Variants in FAM13A observed in about 807,000 individuals in gnomAD.
FAM13A encodes the protein protein FAM13A.
In FAM13A, 76 loss-of-function variants were observed where a neutral mutation model predicts 129.6. The observed-to-expected ratio is 0.59, with a 90% CI of 0.49 to 0.71. The LOEUF (loss-of-function observed/expected upper bound fraction) is 0.71, where lower values mean the gene tolerates loss of function less well. Ranked by LOEUF, FAM13A falls within the 30% of genes least tolerant of loss-of-function variation. The pLI, the probability that FAM13A is intolerant of heterozygous loss-of-function variation, is 0.00. For synonymous variants in FAM13A, 443 were observed against 449.9 expected, an observed-to-expected ratio of 0.98 and a Z score of 0.20; for missense variants, 1,108 against 1,249.3, an observed-to-expected ratio of 0.89 and a Z score of 1.70.
chr4:88,968,779 A>T (rs1394515563), intron 4 of FAM13A, among the ~76,000 whole-genome samples: 3 of 151,934 alleles, frequency 2.0e-5, no homozygotes, highest in Admixed American at 6.6e-5. Context: ...CATTGCCTGA[A>T]TTTTTTTTAA....
chr4:88,781,266 G>A lies in FAM13A; in HGVS notation c.1357C>T (p.His453Tyr). The A allele has an allele frequency of 6.2e-7, 1 of 1,612,540 alleles. No individual in the cohort carries two copies. Among genetic ancestry groups the A allele is most frequent in the South Asian group, 1.1e-5 (1 of 90,892 alleles). The change falls in exon 11 of 24, where the codon CAC becomes TAC. Residue 453 changes from histidine (H) to tyrosine (Y), a missense_variant. Coordinates refer to ENST00000264344, the MANE Select transcript of FAM13A (RefSeq NM_014883.4). The stretch of plus-strand genomic sequence containing the variant: ...CCAGCACAACCAAAAGTATTTTTGT[G>A]TACCTTTTCGACTTCCTGAGTATTC... ...ILNTQEVEKV[H>Y]KNTFGCAGER... is the part of the protein sequence containing the mutation.
chr4:88,972,628 A>G (rs947471891), intron 4 of FAM13A, among the ~76,000 whole-genome samples: 2 of 148,396 alleles, frequency 1.3e-5, no homozygotes, highest in African/African-American at 5.0e-5. Context: ...TGGGGGGGAG[A>G]ACAGAGTCTC....
At chr4:88,830,881 CAAAACATTCCCCAAAAAGATTA>C (rs1325107830) in intron 7 of FAM13A, among the ~76,000 whole-genome samples, 1 of 152,026 alleles carries the variant, frequency 6.6e-6, no homozygotes, top group East Asian at 1.9e-4. Flanking sequence ...AAATAAGATT[CAAAACATTCCCCAAAAAGATTA>C]AGTACTGATT....
At chr4:88,913,997 C>T (rs559770923) in intron 5 of FAM13A, among the ~76,000 whole-genome samples, 15 of 143,514 alleles carry the variant, frequency 1.0e-4, no homozygotes, top group Admixed American at 5.7e-4. Flanking sequence ...GGTGAGACTC[C>T]GTCTCAAAAA....
rs1356672417 is a variant in FAM13A, at chr4:89,047,078, G to A, written c.27+9860C>T. Among the ~76,000 whole-genome samples, 4 of 152,098 alleles carry A rather than the reference G, an allele frequency of 2.6e-5. No homozygotes were observed. In the South Asian group the frequency reaches 8.3e-4, roughly 32 times the overall value. ...TCTCCAACCAGGCTCCGAACACAGG[G>A]GAAGGGCAAGTAACAGTGAGCAGGA... On this transcript the variant is annotated intron_variant, in intron 1 of 23. Coordinates refer to ENST00000264344, the MANE Select transcript of FAM13A (RefSeq NM_014883.4).
chr4:88,877,634 CTT>C, intron 6 of FAM13A, among the ~76,000 whole-genome samples: 1 of 152,284 alleles, frequency 6.6e-6, no homozygotes, highest in Non-Finnish European at 1.5e-5. Context: ...CAGGTTGGCT[CTT>C]TGTTTCTTTC....
chr4:88,943,122 T>C (rs569923819), intron 4 of FAM13A, among the ~76,000 whole-genome samples: 4 of 152,340 alleles, frequency 2.6e-5, no homozygotes, highest in Non-Finnish European at 5.9e-5. Context: ...GAATGACTAT[T>C]ATTCACAGTG....
At chr4:88,753,584 A>C (rs1743067204) in intron 14 of FAM13A, 1 of 661,724 alleles carries the variant, frequency 1.5e-6, no homozygotes, top group African/African-American at 2.0e-5. Context: ...AACGGAAGTG[A>C]AAGGTTTCTC....
intron 7 of FAM13A, among the ~76,000 whole-genome samples, chr4:88,850,292 T>G (rs1737339438): frequency 6.6e-6 from 1 of 151,924 alleles, no homozygotes; most frequent in Non-Finnish European, 1.5e-5. Context: ...TGGTGGCTCA[T>G]GCCTGTAATC....
intron 17 of FAM13A, among the ~76,000 whole-genome samples, chr4:88,748,561 C>T (rs564517839): frequency 5.2e-4 from 79 of 152,278 alleles, no homozygotes; most frequent in African/African-American, 1.7e-3. Flanking sequence ...ATGACTGTGT[C>T]TCTGAAAAGA....
At chr4:89,007,337 G>A (rs1343938977) in intron 3 of FAM13A, among the ~76,000 whole-genome samples, 1 of 152,154 alleles carries the variant, frequency 6.6e-6, no homozygotes, top group African/African-American at 2.4e-5. Flanking sequence ...GGAGAAGCCA[G>A]TTACCATGTT....
intron 13 of FAM13A, 103 bp from the exon 14 acceptor site, chr4:88,759,004 C>T: frequency 8.4e-7 from 1 of 1,193,160 alleles, no homozygotes; most frequent in East Asian, 2.4e-5. Flanking sequence ...CAAGTCACAG[C>T]TGCTAATGCA....
chr4:88,924,125 T>C (rs1170222873), intron 5 of FAM13A, among the ~76,000 whole-genome samples: 3 of 152,216 alleles, frequency 2.0e-5, no homozygotes, highest in Non-Finnish European at 4.4e-5. Context: ...ATGGCCATAC[T>C]GCCCAAGGTA....
chr4:88,795,875 T>A (rs974331774), intron 8 of FAM13A, among the ~76,000 whole-genome samples: 7 of 151,782 alleles, frequency 4.6e-5, no homozygotes, highest in East Asian at 1.9e-4. Flanking sequence ...TCTAATCTTT[T>A]AAAAAATTAT....
At chr4:88,845,900 T>C (rs372598768) in intron 7 of FAM13A, among the ~76,000 whole-genome samples, 4 of 152,234 alleles carry the variant, frequency 2.6e-5, no homozygotes, top group East Asian at 1.9e-4. Flanking sequence ...GATTTATTTT[T>C]AATATACATT....
intron 7 of FAM13A, among the ~76,000 whole-genome samples, chr4:88,819,611 T>G (rs2149821818): frequency 6.6e-6 from 1 of 152,254 alleles, no homozygotes; most frequent in South Asian, 2.1e-4. Flanking sequence ...ACAAAACAGA[T>G]TATCTCATTA....
intron 4 of FAM13A, among the ~76,000 whole-genome samples, chr4:88,967,637 G>T (rs2148937831): frequency 6.6e-6 from 1 of 152,336 alleles, no homozygotes; most frequent in Non-Finnish European, 1.5e-5. Flanking sequence ...AAATGAGAGA[G>T]AATTCCATGT....
intron 10 of FAM13A, among the ~76,000 whole-genome samples, chr4:88,782,615 CAA>C (rs1455626459): frequency 6.6e-6 from 1 of 152,092 alleles, no homozygotes; most frequent in Non-Finnish European, 1.5e-5. Flanking sequence ...ATAATATTTT[CAA>C]AGTTATACTA....
chr4:88,978,750 G>A (rs562586154), intron 4 of FAM13A, among the ~76,000 whole-genome samples: 2 of 151,708 alleles, frequency 1.3e-5, no homozygotes, highest in Non-Finnish European at 2.9e-5. Flanking sequence ...GCCGAGATCC[G>A]GCCACTGCAC....
Sources: gnomAD v4.1 joint callset for allele counts (sites outside exome capture counted in the v4.1 genomes callset) on GRCh38, gnomAD v4.1.1 for gene constraint, MANE v1.5 for transcripts, NCBI Gene and HGNC (gene_info 2026-07-23, HGNC 2026-07-21) for gene names.